The following TTC28 variants were observed in gnomAD, a reference collection of about 807,000 sequenced individuals.
The protein encoded by TTC28 is tetratricopeptide repeat protein 28.
TTC28 carries 61 observed loss-of-function variants against 198.0 expected under a neutral mutation model. The ratio of observed to expected loss-of-function variants is 0.31; its 90% CI spans 0.25 to 0.38. The LOEUF is 0.38. Ranked by LOEUF, TTC28 falls within the 10% of genes least tolerant of loss-of-function variation. The pLI, the probability that TTC28 is intolerant of heterozygous loss-of-function variation, is 1.00. For synonymous variants in TTC28, 1,171 were observed against 1,297.8 expected (o/e 0.90, Z 2.10); for missense variants, 2,678 against 3,164.0 (o/e 0.85, Z 3.69).
intron 1 of TTC28, among the ~76,000 whole-genome samples, chr22:28,645,904 G>A (rs1205510466): frequency 6.6e-6 from 1 of 152,006 alleles, no homozygotes; most frequent in East Asian, 1.9e-4. Context: ...TAGGATTGCA[G>A]GCATGAAGAA....
intron 2 of TTC28, among the ~76,000 whole-genome samples, chr22:28,309,021 C>A (rs887773531): frequency 6.6e-6 from 1 of 152,080 alleles, no homozygotes; most frequent in African/African-American, 2.4e-5. Context: ...AAAATGAGTT[C>A]TTTATACTTT....
At chr22:28,637,528 A>G (rs2146226453) in intron 1 of TTC28, among the ~76,000 whole-genome samples, 1 of 152,294 alleles carries the variant, frequency 6.6e-6, no homozygotes. Flanking sequence ...TAGCAGATAC[A>G]CAAAAGATAA....
At chr22:28,244,058 A>G (rs531842502) in intron 5 of TTC28, among the ~76,000 whole-genome samples, 1 of 152,352 alleles carries the variant, frequency 6.6e-6, no homozygotes, top group Admixed American at 6.5e-5. Flanking sequence ...ATTATTAGAT[A>G]TATCTATTTC....
chr22:27,983,725 C>A lies in TTC28; in HGVS notation c.5942G>T (p.Gly1981Val). ...GGCATCTGAGGCGATGCTGTCCGCA[C>A]CGGTGGGAGAGAAGGGGGGTTGCTG... ...GYQQPPFSPT[G>V]ADSIASDAIS... The change falls in exon 23 of 23, where the codon GGT (glycine) becomes GTT (valine). Residue 1981 changes from glycine (G) to valine (V), a missense_variant. By Grantham distance (109) the Gly-to-Val change is moderately radical. Transcript: ENST00000397906. 1 of 1,551,404 alleles carries A rather than the reference C, an allele frequency of 6.4e-7. No individual in the cohort carries two copies. The highest frequency in any genetic ancestry group is 1.2e-5 in the South Asian group (1 of 84,018).
At chr22:28,498,268 A>G (rs1264928025) in intron 2 of TTC28, among the ~76,000 whole-genome samples, 1 of 152,234 alleles carries the variant, frequency 6.6e-6, no homozygotes, top group South Asian at 2.1e-4. Flanking sequence ...ATAAGGTTCA[A>G]CCCTATAGAG....
intron 2 of TTC28, among the ~76,000 whole-genome samples, chr22:28,341,662 T>C (rs923764007): frequency 1.3e-5 from 2 of 151,922 alleles, no homozygotes; most frequent in African/African-American, 4.8e-5. Context: ...CGTGGTGGCA[T>C]GCCTGTAACC....
At chr22:28,346,918 C>T (rs1285061924) in intron 2 of TTC28, among the ~76,000 whole-genome samples, 4 of 152,070 alleles carry the variant, frequency 2.6e-5, no homozygotes, top group Non-Finnish European at 4.4e-5. Flanking sequence ...AAACAAACAA[C>T]AAACAATATT....
At chr22:28,387,885 T>C (rs1003069308) in intron 2 of TTC28, among the ~76,000 whole-genome samples, 1 of 152,248 alleles carries the variant, frequency 6.6e-6, no homozygotes, top group South Asian at 2.1e-4. Flanking sequence ...TTGGTTGCCA[T>C]TGCTTTTGGT....
At chr22:28,471,489 G>A (rs1421995267) in intron 2 of TTC28, among the ~76,000 whole-genome samples, 1 of 152,154 alleles carries the variant, frequency 6.6e-6, no homozygotes, top group Non-Finnish European at 1.5e-5. Context: ...GGAAGAGCTT[G>A]TATTATTTGG....
intron 12 of TTC28, among the ~76,000 whole-genome samples, chr22:28,058,554 G>A (rs1282155168): frequency 6.6e-6 from 1 of 152,008 alleles, no homozygotes; most frequent in African/African-American, 2.4e-5. Context: ...ATACCTATAT[G>A]CATGAGTAAT....
chr22:28,315,149 C>T (rs548621123), intron 2 of TTC28, among the ~76,000 whole-genome samples: 7 of 152,130 alleles, frequency 4.6e-5, no homozygotes, highest in South Asian at 2.1e-4. Context: ...AACCAGAGAC[C>T]GAGTTCTCAC....
chr22:28,015,419 T>TAAAA (rs138678), intron 13 of TTC28, among the ~76,000 whole-genome samples: 1,905 of 109,558 alleles, frequency 0.017, 21 homozygotes, highest in African/African-American at 0.031. Flanking sequence ...GAGATAGCTT[T>TAAAA]AAAAAAAAAA....
chr22:28,014,425 G>A (rs1422397123), intron 13 of TTC28, 33 bp from the exon 14 acceptor site: 2 of 1,529,816 alleles, frequency 1.3e-6, no homozygotes, highest in South Asian at 2.5e-5. Context: ...ATCAATCAGG[G>A]CCACTCAGAC....
intron 12 of TTC28, among the ~76,000 whole-genome samples, chr22:28,052,436 C>A (rs1295521158): frequency 1.3e-5 from 2 of 152,144 alleles, no homozygotes; most frequent in African/African-American, 4.8e-5. Flanking sequence ...CCAGGAAGCC[C>A]AGCCAGTAAC....
intron 6 of TTC28, among the ~76,000 whole-genome samples, chr22:28,158,020 A>T (rs1291596299): frequency 6.6e-6 from 1 of 152,040 alleles, no homozygotes; most frequent in Non-Finnish European, 1.5e-5. Context: ...GAAAAATCTA[A>T]AGACTCCATC....
intron 2 of TTC28, among the ~76,000 whole-genome samples, chr22:28,432,505 C>T (rs909009524): frequency 3.3e-5 from 5 of 152,058 alleles, no homozygotes; most frequent in African/African-American, 9.7e-5. Flanking sequence ...AATTTGCCCA[C>T]ATTTACAGTT....
At chr22:28,342,947 A>C (rs796758656) in intron 2 of TTC28, among the ~76,000 whole-genome samples, 1 of 152,224 alleles carries the variant, frequency 6.6e-6, no homozygotes, top group African/African-American at 2.4e-5. Context: ...AAACCTTTCA[A>C]TTCACATCAG....
chr22:28,015,897 A>T (rs1164782585), intron 13 of TTC28, among the ~76,000 whole-genome samples: 1 of 151,604 alleles, frequency 6.6e-6, no homozygotes, highest in Non-Finnish European at 1.5e-5. Context: ...GCCGAAGAAA[A>T]GCACAGAAGG....
intron 2 of TTC28, among the ~76,000 whole-genome samples, chr22:28,530,033 C>T (rs559064845): frequency 3.9e-5 from 6 of 152,272 alleles, no homozygotes; most frequent in East Asian, 1.9e-4. Flanking sequence ...TCGCCAGCAA[C>T]GGAACAAAGC....
Sources: allele counts gnomAD v4.1 joint callset (sites outside exome capture counted in the v4.1 genomes callset), GRCh38; gene constraint gnomAD v4.1.1; transcripts MANE v1.5; gene names NCBI Gene and HGNC (gene_info 2026-07-23, HGNC 2026-07-21).